DNAI3: variants seen among roughly 807,000 people sequenced by gnomAD.
The protein encoded by DNAI3 is WD repeat domain 63.
A neutral mutation model predicts 115.5 loss-of-function variants in DNAI3; 83 were observed. The ratio of observed to expected loss-of-function variants is 0.72; its 90% CI spans 0.60 to 0.86. The LOEUF (loss-of-function observed/expected upper bound fraction) is 0.86, where lower values mean the gene tolerates loss of function less well. Ranked by LOEUF, DNAI3 falls within the 40% of genes least tolerant of loss-of-function variation. The pLI, the probability that DNAI3 is intolerant of heterozygous loss-of-function variation, is 0.00. For missense variants in DNAI3, 1,004 were observed against 1,075.8 expected, an observed-to-expected ratio of 0.93 and a Z score of 0.93; for synonymous variants, 320 against 347.0, an observed-to-expected ratio of 0.92 and a Z score of 0.86.
At chr1:85,112,115 G>T (rs1655677331) in intron 16 of DNAI3, among the ~76,000 whole-genome samples, 1 of 151,932 alleles carries the variant, frequency 6.6e-6, no homozygotes, top group Non-Finnish European at 1.5e-5. Flanking sequence ...GGAGGGGCAT[G>T]ATCATAGTTC....
At position 85,128,772 on chromosome 1, in the gene DNAI3, G is replaced by A. The variant is rs1241197395; in HGVS notation, c.2382G>A (p.Trp794Ter). 6.2e-7 allele frequency: 1 copy of A among 1,613,026 alleles called. No homozygotes were observed. Among genetic ancestry groups the A allele is most frequent in the African/African-American group, 1.3e-5 (1 of 74,838 alleles). The change falls in exon 21 of 23, where the codon TGG (tryptophan) becomes TGA (stop). Residue 794 changes from tryptophan to a stop codon, truncating the protein, a stop_gained. Coordinates refer to ENST00000294664, the MANE Select transcript of DNAI3 (RefSeq NM_145172.5). LOFTEE classifies it high-confidence loss of function. The part of the protein sequence containing the change: ...YGTLHILEIP[W>*]TLSRPSTNEM... ...CACTGCATATATTAGAAATTCCTTG[G>A]ACATTAAGTCGCCCTTCCACCAATG...
chr1:85,130,702 TAGATA>T (rs1195197415), intron 22 of DNAI3, among the ~76,000 whole-genome samples: 1 of 148,186 alleles, frequency 6.7e-6, no homozygotes, highest in Non-Finnish European at 1.5e-5. Context: ...GATAGATAGA[TAGATA>T]GATAGATAGA....
intron 17 of DNAI3, among the ~76,000 whole-genome samples, chr1:85,119,616 T>A (rs941382935): frequency 2.0e-5 from 3 of 152,180 alleles, no homozygotes; most frequent in African/African-American, 7.2e-5. Flanking sequence ...CCATGGCCTA[T>A]AAGATTCGTC....
chr1:85,121,417 A>T (rs1386149671), intron 17 of DNAI3, among the ~76,000 whole-genome samples: 2 of 152,260 alleles, frequency 1.3e-5, no homozygotes, highest in Non-Finnish European at 2.9e-5. Flanking sequence ...ATCACTGAAT[A>T]AGATGGCCTG....
chr1:85,066,059 T>C (rs1654087251), intron 1 of DNAI3, among the ~76,000 whole-genome samples: 2 of 152,334 alleles, frequency 1.3e-5, no homozygotes, highest in East Asian at 3.9e-4. Context: ...ACGTAGAATC[T>C]AGAAAATGTG....
chr1:85,106,931 A>C (rs1319198871), intron 14 of DNAI3, among the ~76,000 whole-genome samples: 2 of 152,238 alleles, frequency 1.3e-5, no homozygotes, highest in Non-Finnish European at 2.9e-5. Flanking sequence ...AACTCTTAGA[A>C]GAAAACATAG....
intron 16 of DNAI3, among the ~76,000 whole-genome samples, chr1:85,110,584 A>T (rs924878479): frequency 6.6e-6 from 1 of 152,128 alleles, no homozygotes; most frequent in Non-Finnish European, 1.5e-5. Context: ...AAACCCTCCA[A>T]TGTGGAACTT....
intron 13 of DNAI3, among the ~76,000 whole-genome samples, chr1:85,100,936 A>G (rs1282635154): frequency 1.3e-5 from 2 of 150,848 alleles, no homozygotes; most frequent in African/African-American, 4.9e-5. Flanking sequence ...GAACACATGG[A>G]CACAGGAAGG....
At chr1:85,066,112 A>G (rs1194899502) in intron 1 of DNAI3, among the ~76,000 whole-genome samples, 1 of 152,178 alleles carries the variant, frequency 6.6e-6, no homozygotes, top group Non-Finnish European at 1.5e-5. Context: ...AAATGGGTAA[A>G]TTAATTTACA....
intron 16 of DNAI3, among the ~76,000 whole-genome samples, chr1:85,112,914 A>G (rs2792463): frequency 0.64 from 97,660 of 152,034 alleles, 31,523 homozygotes; most frequent in Middle Eastern, 0.7. Context: ...GATTATAGGC[A>G]TGTGCCACCA....
chr1:85,106,614 T>G (rs2100595629), intron 14 of DNAI3, among the ~76,000 whole-genome samples: 1 of 152,274 alleles, frequency 6.6e-6, no homozygotes, highest in South Asian at 2.1e-4. Context: ...GACTCACACT[T>G]CCAAATTTCT....
chr1:85,118,302 G>A (rs817472), intron 17 of DNAI3, among the ~76,000 whole-genome samples: 134,158 of 152,230 alleles, frequency 0.88, 59,721 homozygotes, highest in Non-Finnish European at 0.94. Context: ...AGGACATACT[G>A]TAATAATAAC....
chr1:85,110,710 C>A (rs1327775374), intron 16 of DNAI3, among the ~76,000 whole-genome samples: 3 of 152,032 alleles, frequency 2.0e-5, no homozygotes, highest in African/African-American at 7.2e-5. Context: ...TCTTCAAAAA[C>A]TCATTACATT....
intron 5 of DNAI3, among the ~76,000 whole-genome samples, chr1:85,083,996 T>C (rs1654709724): frequency 6.6e-6 from 1 of 151,768 alleles, no homozygotes; most frequent in Non-Finnish European, 1.5e-5. Flanking sequence ...TCTATCAATA[T>C]CAGTACATTT....
intron 11 of DNAI3, among the ~76,000 whole-genome samples, chr1:85,096,460 A>G (rs534483663): frequency 7.3e-4 from 107 of 147,340 alleles, no homozygotes; most frequent in African/African-American, 2.3e-3. Context: ...ATATGTGTGT[A>G]TATATATATA....
In DNAI3 at chr1:85,073,075, TA is replaced by T; in HGVS notation, c.89del (p.Asn30IlefsTer13). On this transcript the variant is annotated frameshift_variant, in exon 3 of 23. Coordinates refer to ENST00000294664, the MANE Select transcript of DNAI3 (RefSeq NM_145172.5). LOFTEE classifies it high-confidence loss of function. ...VLAASEDMEP[V>X]NMESMGHPEI... ...CTAGCTAGTGAAGACATGGAACCAG[TA>T]AATATGGAGAGCATGGGTAAGTGGA... 1 of 1,553,078 alleles carries T rather than the reference TA, an allele frequency of 6.4e-7. No individual in the cohort carries two copies. Among genetic ancestry groups the T allele is most frequent in the South Asian group, 1.3e-5 (1 of 77,856 alleles).
chr1:85,098,447 T>G (rs559087702), intron 12 of DNAI3, 83 bp from the exon 13 acceptor site: 1 of 1,516,026 alleles, frequency 6.6e-7, no homozygotes, highest in East Asian at 2.3e-5. Flanking sequence ...AATTGTTCAT[T>G]TTAATTGAGA....
chr1:85,095,847 C>A, intron 10 of DNAI3, 84 bp from the exon 11 acceptor site: 1 of 1,341,374 alleles, frequency 7.5e-7, no homozygotes, highest in Non-Finnish European at 1.1e-6. Context: ...TAAAATTAGA[C>A]TTTTAACTGT....
intron 22 of DNAI3, among the ~76,000 whole-genome samples, chr1:85,130,961 T>A (rs960845950): frequency 4.6e-5 from 7 of 152,212 alleles, no homozygotes; most frequent in Non-Finnish European, 8.8e-5. Context: ...CTAAATACTT[T>A]GTGAATTAGG....
Sources: allele counts gnomAD v4.1 joint callset (sites outside exome capture counted in the v4.1 genomes callset), GRCh38; gene constraint gnomAD v4.1.1; transcripts MANE v1.5; gene names NCBI Gene and HGNC (gene_info 2026-07-23, HGNC 2026-07-21).